PDE2A: variants seen among roughly 807,000 people sequenced by gnomAD.
PDE2A encodes cGMP-dependent 3',5'-cyclic phosphodiesterase.
PDE2A carries 53 observed loss-of-function variants against 133.6 expected under a neutral mutation model. The ratio of observed to expected loss-of-function variants is 0.40; its 90% CI spans 0.32 to 0.50. The LOEUF (loss-of-function observed/expected upper bound fraction) is 0.50. Among genes scored for constraint, PDE2A ranks in the 20% least tolerant of loss-of-function variants. The pLI is 0.73. For synonymous variants in PDE2A, 491 were observed against 490.2 expected (o/e 1.00, Z -0.02); for missense variants, 796 against 1,232.4 (o/e 0.65, Z 5.30).
chr11:72,631,127 G>T, intron 2 of PDE2A: 1 of 1,547,288 alleles, frequency 6.5e-7, no homozygotes, highest in Non-Finnish European at 8.7e-7. Context: ...CTTTGCAAGG[G>T]GGTCCAGGCT....
At chr11:72,611,249 T>C (rs1857200221) in intron 2 of PDE2A, among the ~76,000 whole-genome samples, 1 of 152,076 alleles carries the variant, frequency 6.6e-6, no homozygotes, top group African/African-American at 2.4e-5. Flanking sequence ...ATTTGACCGA[T>C]GAGGAAGCTG....
intron 1 of PDE2A, among the ~76,000 whole-genome samples, chr11:72,673,432 C>G (rs1207446134): frequency 6.8e-6 from 1 of 146,314 alleles, no homozygotes; most frequent in African/African-American, 2.5e-5. Flanking sequence ...CCCTGCCTAC[C>G]ACCTCGGCAG....
At chr11:72,636,125 C>T in intron 2 of PDE2A, 1 of 1,218,734 alleles carries the variant, frequency 8.2e-7, no homozygotes, top group Non-Finnish European at 1.1e-6. Context: ...AGCCACCAGC[C>T]AGAGTACAGG....
At chr11:72,579,755 C>G (rs1855636319) in intron 25 of PDE2A, 147 bp from the exon 26 acceptor site, 1 of 614,784 alleles carries the variant, frequency 1.6e-6, no homozygotes, top group Admixed American at 2.9e-5. Flanking sequence ...CCCCAGTTCC[C>G]TTTCTGAGCT....
In PDE2A at chr11:72,605,170, G is replaced by T. The variant is rs749922442; in HGVS notation, c.291C>A (p.Pro97=). ...TCCCCTCCTGGGGCAGCTCATGTGG[G>T]GGGTCCTCACACACCAGCTGGGACT... ...DGESQLVCED[P]PHELPQEGKV... The change falls in exon 4 of 31, where the codon CCC becomes CCA. Residue 97 remains proline, a synonymous_variant. Transcript: ENST00000334456. The T allele has an allele frequency of 1.2e-5, 19 of 1,611,242 alleles. No individual in the cohort carries two copies. Among genetic ancestry groups the T allele is most frequent in the East Asian group, 2.2e-5 (1 of 44,808 alleles).
At chr11:72,673,257 C>T (rs1302303811) in intron 1 of PDE2A, among the ~76,000 whole-genome samples, 2 of 152,144 alleles carry the variant, frequency 1.3e-5, no homozygotes, top group Admixed American at 6.5e-5. Flanking sequence ...CCTGCACTCA[C>T]ACTCAGACAC....
intron 22 of PDE2A, 67 bp from the exon 23 acceptor site, chr11:72,581,546 C>A: frequency 6.7e-7 from 1 of 1,498,932 alleles, no homozygotes; most frequent in Non-Finnish European, 9.0e-7. Context: ...CCCATGATGG[C>A]AAACTACATG....
chr11:72,654,312 C>T (rs1241559236), intron 1 of PDE2A, among the ~76,000 whole-genome samples: 2 of 152,194 alleles, frequency 1.3e-5, no homozygotes, highest in Non-Finnish European at 1.5e-5. Context: ...TCATTTAACC[C>T]TCACCAGAGC....
chr11:72,598,445 G>A (rs991541577), intron 4 of PDE2A: 1 of 1,174,174 alleles, frequency 8.5e-7, no homozygotes, highest in Admixed American at 2.3e-5. Flanking sequence ...GTTTCTCTCT[G>A]TCCCACCACA....
chr11:72,665,876 G>A (rs1855218620), intron 1 of PDE2A, among the ~76,000 whole-genome samples: 1 of 150,512 alleles, frequency 6.6e-6, no homozygotes, highest in African/African-American at 2.4e-5. Flanking sequence ...AGAAAGCCTT[G>A]AATGTTAGAA....
At chr11:72,640,839 C>T (rs1858921348) in intron 2 of PDE2A, among the ~76,000 whole-genome samples, 2 of 152,154 alleles carry the variant, frequency 1.3e-5, no homozygotes, top group African/African-American at 4.8e-5. Flanking sequence ...AAGTTCTCTA[C>T]ACACACAACA....
intron 4 of PDE2A, among the ~76,000 whole-genome samples, chr11:72,599,710 G>A (rs1282988275): frequency 6.6e-6 from 1 of 152,246 alleles, no homozygotes. Flanking sequence ...ACCTCGGGGA[G>A]CATTCTACTT....
chr11:72,665,889 G>A (rs1855219071), intron 1 of PDE2A, among the ~76,000 whole-genome samples: 1 of 148,570 alleles, frequency 6.7e-6, no homozygotes. Flanking sequence ...TGTTAGAACG[G>A]TGAAAACCTA....
chr11:72,590,152 A>T lies in PDE2A; in HGVS notation c.756+40T>A. The T allele has an allele frequency of 6.6e-7, 1 of 1,524,170 alleles. No homozygotes were observed. The highest frequency in any genetic ancestry group is 2.5e-5 in the East Asian group (1 of 40,646). The allele number at this position is 1,524,170 out of a possible 1,614,324, so 94.4% of individuals were successfully genotyped here. On this transcript the variant is annotated intron_variant, in intron 9 of 30. Coordinates refer to ENST00000334456, the MANE Select transcript of PDE2A (RefSeq NM_002599.5). This position sits in a 1 kb window ranked among gnomAD's most constrained non-coding sequence, Gnocchi z 4.8. ...AGGGGAAGTTGGTCCCCGGAGGGAG[A>T]CAGGACGGGGAGGTGGCCGGCAGGG...
rs1856896231 is a variant in PDE2A, at chr11:72,604,663, G to T, written c.323+475C>A. ...GCTAGTAAACAGGGAGCTGAGATTT[G>T]AACCCAGGCAGTGGGGCTCCAGAAC... is the stretch of plus-strand genomic sequence containing the variant. On this transcript the variant is annotated intron_variant, in intron 4 of 30. Transcript: ENST00000334456. Among the ~76,000 whole-genome samples, 3 of 152,344 alleles carry T rather than the reference G, an allele frequency of 2.0e-5. No individual in the cohort carries two copies. In the South Asian group the frequency reaches 6.2e-4, roughly 32 times the overall value.
chr11:72,647,720 T>G (rs2135444608), intron 1 of PDE2A, among the ~76,000 whole-genome samples: 1 of 152,236 alleles, frequency 6.6e-6, no homozygotes, highest in South Asian at 2.1e-4. Flanking sequence ...AGCCCTGGAG[T>G]GGGCACAGGT....
intron 1 of PDE2A, among the ~76,000 whole-genome samples, chr11:72,664,711 C>T (rs938666093): frequency 6.6e-6 from 1 of 151,462 alleles, no homozygotes; most frequent in African/African-American, 2.4e-5. Context: ...TTTGTTTAAT[C>T]GCCTCCTTAA....
At chr11:72,627,906 C>T (rs1447310635) in intron 2 of PDE2A, among the ~76,000 whole-genome samples, 1 of 152,202 alleles carries the variant, frequency 6.6e-6, no homozygotes, top group Non-Finnish European at 1.5e-5. Flanking sequence ...GAGGCCTGGC[C>T]CTGAAGGAGG....
intron 1 of PDE2A, chr11:72,652,601 G>A (rs1468483267): frequency 2.2e-6 from 1 of 456,244 alleles, no homozygotes. Flanking sequence ...GAGGGGAATG[G>A]CCATTGATGA....
Sources: allele counts gnomAD v4.1 joint callset (sites outside exome capture counted in the v4.1 genomes callset), GRCh38; gene constraint gnomAD v4.1.1; non-coding constraint Gnocchi (gnomAD v3.1); transcripts MANE v1.5; gene names NCBI Gene and HGNC (gene_info 2026-07-23, HGNC 2026-07-21).